Variants in CDH19 observed in about 807,000 individuals in gnomAD.
CDH19 encodes cadherin 19.
CDH19 carries 67 observed loss-of-function variants against 64.2 expected under a neutral mutation model. That is an observed-to-expected ratio of 1.04 (90% CI 0.86 to 1.28). The LOEUF is 1.28. CDH19 is among the 50% of genes most tolerant of loss of function. The pLI, the probability that CDH19 is intolerant of heterozygous loss-of-function variation, is 0.00. For missense variants in CDH19, 1,030 were observed against 929.0 expected (o/e 1.11, Z -1.41); for synonymous variants, 346 against 319.3 (o/e 1.08, Z -0.89).
chr18:66,508,378 G>A (rs778440893), intron 11 of CDH19, among the ~76,000 whole-genome samples: 1 of 150,366 alleles, frequency 6.7e-6, no homozygotes, highest in East Asian at 2.1e-4. Flanking sequence ...AAATTGCTAA[G>A]AGAGTAGATT....
intron 1 of CDH19, among the ~76,000 whole-genome samples, chr18:66,602,043 A>C (rs1173575597): frequency 6.6e-6 from 1 of 151,942 alleles, no homozygotes; most frequent in Admixed American, 6.6e-5. Context: ...CAGGTGATAG[A>C]AGATCATCGA....
At chr18:66,531,196 G>T (rs948628799) in intron 8 of CDH19, among the ~76,000 whole-genome samples, 2 of 151,418 alleles carry the variant, frequency 1.3e-5, no homozygotes, top group Admixed American at 1.3e-4. Context: ...TAAATGATCC[G>T]ATTAAATACA....
chr18:66,515,109 TA>T (rs890890193), intron 9 of CDH19, among the ~76,000 whole-genome samples: 6 of 151,484 alleles, frequency 4.0e-5, no homozygotes, highest in African/African-American at 1.2e-4. Flanking sequence ...TAATAAACAA[TA>T]AAAAAATGCT....
At chr18:66,522,733 G>C (rs1002543762) in intron 9 of CDH19, among the ~76,000 whole-genome samples, 15 of 151,058 alleles carry the variant, frequency 9.9e-5, no homozygotes, top group African/African-American at 3.6e-4. Flanking sequence ...TAAGCTTAAA[G>C]AGTTCTGTGC....
At chr18:66,587,405 A>G (rs558522581) in intron 1 of CDH19, among the ~76,000 whole-genome samples, 2 of 152,276 alleles carry the variant, frequency 1.3e-5, no homozygotes, top group African/African-American at 4.8e-5. Flanking sequence ...GCTTAGGTTC[A>G]GATTTTTAAG....
chr18:66,584,058 A>C (rs1328909280), intron 1 of CDH19, among the ~76,000 whole-genome samples: 2 of 152,100 alleles, frequency 1.3e-5, no homozygotes, highest in Non-Finnish European at 2.9e-5. Flanking sequence ...TAACAGACTA[A>C]ACAGGAAAAC....
chr18:66,501,853 CTAATT>C lies in CDH19; in HGVS notation c.*2954_*2958del, dbSNP rs1984958507. The stretch of plus-strand genomic sequence containing the variant: ...TATATGTTCGCTTAATTGAAAGTAA[CTAATT>C]CAAACAAAGATCTGTTAGGCTCAAG... On this transcript the variant is annotated 3_prime_UTR_variant, in exon 12 of 12. Transcript: ENST00000262150. 6.6e-6 allele frequency: 1 copy of C among 152,026 alleles called. No homozygotes were observed. The highest frequency in any genetic ancestry group is 6.6e-5 in the Admixed American group (1 of 15,250). The allele number at this position is 152,026 out of a possible 1,614,324, so 9.4% of individuals were successfully genotyped here.
At position 66,566,129 on chromosome 18, in the gene CDH19, C is replaced by T. The variant is rs568304215; in HGVS notation, c.490+2287G>A. Among the ~76,000 whole-genome samples the T allele has an allele frequency of 2.0e-5, 3 of 152,060 alleles. No individual in the cohort carries two copies. In the South Asian group the frequency reaches 6.2e-4, roughly 32 times the overall value. On this transcript the variant is annotated intron_variant, in intron 3 of 11. Coordinates refer to ENST00000262150, the MANE Select transcript of CDH19 (RefSeq NM_021153.4). ...AAATGGCAGTATTGTACCTCCTCTT[C>T]TCTAAAATTTTACCCATGCTCTCTC...
chr18:66,536,703 T>G (rs1235121985), intron 7 of CDH19, among the ~76,000 whole-genome samples: 1 of 151,790 alleles, frequency 6.6e-6, no homozygotes, highest in Non-Finnish European at 1.5e-5. Context: ...ATGTGTAATA[T>G]GTATCATTTT....
At chr18:66,536,474 T>C (rs1986675354) in intron 7 of CDH19, among the ~76,000 whole-genome samples, 1 of 151,804 alleles carries the variant, frequency 6.6e-6, no homozygotes, top group Non-Finnish European at 1.5e-5. Context: ...ACAGTTGTTA[T>C]TTTGAATTAA....
chr18:66,571,040 C>T (rs1174513973), intron 2 of CDH19, among the ~76,000 whole-genome samples: 1 of 151,500 alleles, frequency 6.6e-6, no homozygotes, highest in Non-Finnish European at 1.5e-5. Context: ...TACCTGTAGT[C>T]TGAGTCGAAA....
intron 8 of CDH19, among the ~76,000 whole-genome samples, chr18:66,534,738 G>A (rs1986591177): frequency 6.6e-6 from 1 of 151,694 alleles, no homozygotes; most frequent in Non-Finnish European, 1.5e-5. Flanking sequence ...TTTGTATTTT[G>A]TTGTTTCCTC....
chr18:66,574,755 C>T (rs1988216462), intron 1 of CDH19, among the ~76,000 whole-genome samples: 1 of 151,508 alleles, frequency 6.6e-6, no homozygotes, highest in Non-Finnish European at 1.5e-5. Context: ...TTACTCAAAA[C>T]CATTAATAAT....
chr18:66,505,690 G>T (rs1015751086), intron 11 of CDH19, among the ~76,000 whole-genome samples: 3 of 151,018 alleles, frequency 2.0e-5, no homozygotes, highest in Non-Finnish European at 4.4e-5. Flanking sequence ...ACCTGAATGC[G>T]TTTGTCAACT....
intron 10 of CDH19, among the ~76,000 whole-genome samples, chr18:66,510,004 G>T (rs1195838576): frequency 6.6e-6 from 1 of 151,720 alleles, no homozygotes; most frequent in Admixed American, 6.6e-5. Context: ...CAACAAATAT[G>T]CAATGACTCT....
intron 1 of CDH19, among the ~76,000 whole-genome samples, chr18:66,583,575 A>C (rs1401086564): frequency 1.3e-5 from 2 of 152,024 alleles, no homozygotes; most frequent in Non-Finnish European, 2.9e-5. Context: ...TCCCACTTAT[A>C]AGTGAAGACA....
rs2144324971 is a variant in CDH19 at position 66,505,135 on chromosome 18, G to T, written c.1996C>A (p.Arg666=). ...GTGGTTTTCCGAGTCTTGCGTTCCC[G>T]CATTATGGTACTACTCCTCAGCTCT... ...IAELRSSTIM[R]ERKTRKTTSA... Residue 666 remains arginine (R), a synonymous_variant, in exon 12 of 12, where the codon CGG becomes AGG. Coordinates refer to ENST00000262150, the MANE Select transcript of CDH19 (RefSeq NM_021153.4). 1 of 1,613,452 alleles carries T rather than the reference G, an allele frequency of 6.2e-7. No homozygotes were observed. The highest frequency in any genetic ancestry group is 8.5e-7 in the Non-Finnish European group (1 of 1,179,680).
intron 1 of CDH19, among the ~76,000 whole-genome samples, chr18:66,586,354 T>C (rs1177264386): frequency 6.6e-6 from 1 of 152,002 alleles, no homozygotes; most frequent in Non-Finnish European, 1.5e-5. Context: ...TTTCTCTTCA[T>C]CAATTTAAAA....
rs529456794 is a variant in CDH19 at position 66,545,001 on chromosome 18, C to T, written c.776-98G>A. ...TGTTTGTTTGTTTGTTTTTTCGAGACGGAGTCTCATTCTGTCGCCCAGGCT... is the reference window on the plus strand; with the variant it reads ...TGTTTGTTTGTTTGTTTTTTCGAGATGGAGTCTCATTCTGTCGCCCAGGCT... On this transcript the variant is annotated intron_variant, in intron 5 of 11. Transcript: ENST00000262150. The T allele has an allele frequency of 1.5e-5, 14 of 918,052 alleles. 1 individual carries two copies. The Middle Eastern group carries it at 8.4e-4, about 55-fold the overall frequency. 56.9% of individuals were successfully genotyped at this position (918,052 alleles called of 1,614,324 possible).
Sources: allele counts gnomAD v4.1 joint callset (sites outside exome capture counted in the v4.1 genomes callset), GRCh38; gene constraint gnomAD v4.1.1; transcripts MANE v1.5; gene names NCBI Gene and HGNC (gene_info 2026-07-23, HGNC 2026-07-21).